SRGAP3: variants seen among roughly 807,000 people sequenced by gnomAD.
SRGAP3 encodes SLIT-ROBO Rho GTPase-activating protein 3.
A neutral mutation model predicts 121.1 loss-of-function variants in SRGAP3; 39 were observed. That is an observed-to-expected ratio of 0.32 (90% CI 0.25 to 0.42). The LOEUF is 0.42. SRGAP3 is among the 10% of genes least tolerant of loss of function. The pLI is 1.00. For missense variants in SRGAP3, 1,213 were observed against 1,470.6 expected, an observed-to-expected ratio of 0.82 and a Z score of 2.86; for synonymous variants, 601 against 570.0, an observed-to-expected ratio of 1.05 and a Z score of -0.77.
At chr3:9,099,642 G>A (rs989781985) in intron 3 of SRGAP3, among the ~76,000 whole-genome samples, 7 of 152,224 alleles carry the variant, frequency 4.6e-5, no homozygotes, top group African/African-American at 1.7e-4. Flanking sequence ...GAAATGAGGA[G>A]GTTGGACTAG....
intron 1 of SRGAP3, among the ~76,000 whole-genome samples, chr3:9,357,058 T>C (rs1435206004): frequency 6.6e-6 from 1 of 150,608 alleles, no homozygotes; most frequent in African/African-American, 2.4e-5. Context: ...AGCTCAGGAG[T>C]TCAAGACCAG....
At chr3:9,359,793 T>G (rs976968431) in intron 1 of SRGAP3, among the ~76,000 whole-genome samples, 12 of 152,230 alleles carry the variant, frequency 7.9e-5, no homozygotes, top group African/African-American at 2.9e-4. Context: ...AGTATTCCAT[T>G]CCTTTTTATG....
At chr3:9,299,849 G>T (rs985275437) in intron 3 of SRGAP3, among the ~76,000 whole-genome samples, 1 of 152,060 alleles carries the variant, frequency 6.6e-6, no homozygotes, top group Non-Finnish European at 1.5e-5. Flanking sequence ...AGGTTGCGGT[G>T]AGCCAACATC....
intron 4 of SRGAP3, among the ~76,000 whole-genome samples, chr3:9,074,059 C>A (rs968112149): frequency 6.6e-6 from 1 of 151,966 alleles, no homozygotes; most frequent in African/African-American, 2.4e-5. Context: ...AAATATTAAA[C>A]AATTTTTTTA....
chr3:9,144,457 T>A (rs1949959181), intron 1 of SRGAP3, among the ~76,000 whole-genome samples: 1 of 152,232 alleles, frequency 6.6e-6, no homozygotes, highest in Non-Finnish European at 1.5e-5. Context: ...ATTGATATGG[T>A]TTGGCTGTGT....
intron 13 of SRGAP3, among the ~76,000 whole-genome samples, chr3:9,026,454 G>C (rs1265807721): frequency 6.6e-6 from 1 of 152,168 alleles, no homozygotes; most frequent in African/African-American, 2.4e-5. Context: ...ATGAACGAGT[G>C]GATAAGCACC....
chr3:9,178,694 T>C (rs1461653851), intron 1 of SRGAP3, among the ~76,000 whole-genome samples: 1 of 152,126 alleles, frequency 6.6e-6, no homozygotes, highest in African/African-American at 2.4e-5. Context: ...GCATGACGGA[T>C]GCTCCCAATG....
intron 1 of SRGAP3, among the ~76,000 whole-genome samples, chr3:9,125,622 G>A (rs1199962787): frequency 1.3e-5 from 2 of 152,120 alleles, no homozygotes; most frequent in Admixed American, 6.5e-5. Flanking sequence ...CCAGATCTAC[G>A]CAACCAGGGC....
At chr3:9,247,976 C>T (rs149349455) in intron 1 of SRGAP3, among the ~76,000 whole-genome samples, 4 of 152,304 alleles carry the variant, frequency 2.6e-5, no homozygotes, top group South Asian at 2.1e-4. Flanking sequence ...GCGGCAAGCC[C>T]GCATTTAGCC....
chr3:9,204,449 G>A (rs1952191124), intron 1 of SRGAP3, among the ~76,000 whole-genome samples: 1 of 152,182 alleles, frequency 6.6e-6, no homozygotes, highest in Non-Finnish European at 1.5e-5. Context: ...ACGGCCTTGG[G>A]CTCTGAACTG....
chr3:9,118,734 AC>A (rs1948896181), intron 2 of SRGAP3, among the ~76,000 whole-genome samples: 1 of 149,948 alleles, frequency 6.7e-6, no homozygotes, highest in Non-Finnish European at 1.5e-5. Context: ...CTCAGGAAAT[AC>A]CCCAGATCTT....
intron 1 of SRGAP3, among the ~76,000 whole-genome samples, chr3:9,171,095 TG>T (rs917401359): frequency 2.5e-4 from 38 of 152,246 alleles, no homozygotes; most frequent in African/African-American, 8.9e-4. Flanking sequence ...CAGAATATTG[TG>T]GAAGAGAAAC....
chr3:9,069,311 A>G (rs961524109), intron 4 of SRGAP3, among the ~76,000 whole-genome samples: 2 of 152,126 alleles, frequency 1.3e-5, no homozygotes, highest in African/African-American at 2.4e-5. Context: ...AGATGGGGAA[A>G]GTGCTGTCAA....
chr3:9,249,682 T>A (rs565607237), upstream of SRGAP3: 50 of 232,616 alleles, frequency 2.1e-4, no homozygotes, highest in African/African-American at 8.6e-4. Flanking sequence ...TCTCCCCCAC[T>A]GCTCACGTCA....
At position 9,267,672 on chromosome 3, in the gene SRGAP3, T is replaced by C. The variant is rs192051733; in HGVS notation, n.442+58338A>G. Among the ~76,000 whole-genome samples the C allele has an allele frequency of 1.1e-4, 16 of 152,270 alleles. No homozygotes were observed. In the East Asian group the frequency reaches 2.9e-3, roughly 28 times the overall value. ...TCTGGGAACTGCCAGTCACGTAGTC[T>C]CAGATGTATTTTCTCTGGTACTTAG... On this transcript the variant is annotated intron_variant and non_coding_transcript_variant, in intron 3 of 3. Coordinates refer to the SRGAP3 transcript ENST00000490889.
chr3:9,211,326 C>G (rs1952438967), intron 1 of SRGAP3, among the ~76,000 whole-genome samples: 1 of 152,192 alleles, frequency 6.6e-6, no homozygotes, highest in Non-Finnish European at 1.5e-5. Context: ...AGCTCCACCG[C>G]AGCCTGGAAA....
chr3:9,318,056 C>T lies in SRGAP3; in HGVS notation n.442+7954G>A, dbSNP rs1243990071. Among the ~76,000 whole-genome samples, 14 of 151,898 alleles carry T rather than the reference C, an allele frequency of 9.2e-5. 1 individual carries two copies. Among genetic ancestry groups the T allele is most frequent in the Non-Finnish European group, 2.1e-4 (14 of 68,004 alleles). ...CCGACTAGAGTGGCAAATATATAACCTCCGCTAATTTGAAATCTTCTTCCC... is the reference window on the plus strand; with the variant it reads ...CCGACTAGAGTGGCAAATATATAACTTCCGCTAATTTGAAATCTTCTTCCC... On this transcript the variant is annotated intron_variant and non_coding_transcript_variant, in intron 3 of 3. Coordinates refer to the SRGAP3 transcript ENST00000490889.
chr3:9,216,300 C>T (rs1463440757), intron 1 of SRGAP3, among the ~76,000 whole-genome samples: 3 of 152,316 alleles, frequency 2.0e-5, no homozygotes, highest in African/African-American at 4.8e-5. Flanking sequence ...AAATTATGGG[C>T]ATACGTTTTA....
chr3:9,100,314 C>T (rs1039036284), intron 3 of SRGAP3, among the ~76,000 whole-genome samples: 4 of 152,136 alleles, frequency 2.6e-5, no homozygotes, highest in African/African-American at 4.8e-5. Flanking sequence ...CTTATTCATC[C>T]GTCAACACCC....
Sources: gnomAD v4.1 joint callset for allele counts (sites outside exome capture counted in the v4.1 genomes callset) on GRCh38, gnomAD v4.1.1 for gene constraint, MANE v1.5 for transcripts, NCBI Gene and HGNC (gene_info 2026-07-23, HGNC 2026-07-21) for gene names.